TAFA2: variants seen among roughly 807,000 people sequenced by gnomAD.
TAFA2 encodes the protein TAFA chemokine like family member 2.
Under a neutral mutation model 18.8 loss-of-function variants are expected in TAFA2, and 7 were observed. That is an observed-to-expected ratio of 0.37 (90% confidence interval 0.21 to 0.70). The LOEUF is 0.70. TAFA2 is among the 30% of genes least tolerant of loss of function. The pLI is 0.53. For missense variants in TAFA2, 122 were observed against 158.1 expected (o/e 0.77, Z 1.23); for synonymous variants, 60 against 54.2 (o/e 1.11, Z -0.47).
chr12:62,211,025 C>G (rs943930512), intron 1 of TAFA2, among the ~76,000 whole-genome samples: 3 of 152,032 alleles, frequency 2.0e-5, no homozygotes, highest in African/African-American at 4.8e-5. Context: ...TTCTACCAAG[C>G]TGTAGTGACA....
chr12:62,021,051 C>T (rs559138337), intron 1 of TAFA2, among the ~76,000 whole-genome samples: 8 of 152,216 alleles, frequency 5.3e-5, no homozygotes, highest in African/African-American at 1.7e-4. Flanking sequence ...ACAGTATGGT[C>T]TGCAAATCCT....
chr12:61,738,291 A>ACC (rs1868340424), intron 4 of TAFA2, among the ~76,000 whole-genome samples: 1 of 6,388 alleles, frequency 1.6e-4, no homozygotes, highest in African/African-American at 1.2e-3. Context: ...GAAAATGAAA[A>ACC]CACACACACA....
chr12:61,877,499 G>C (rs1874905874), intron 1 of TAFA2, among the ~76,000 whole-genome samples: 1 of 152,112 alleles, frequency 6.6e-6, no homozygotes, highest in Admixed American at 6.5e-5. Context: ...GGTGGTGGTG[G>C]AAGCCTATTA....
rs144497469 is a variant in TAFA2 at position 61,752,906 on chromosome 12, A to G, written c.384+716T>C. On this transcript the variant is annotated intron_variant, in intron 4 of 4. Coordinates refer to ENST00000416284, the MANE Select transcript of TAFA2 (RefSeq NM_178539.5). ...GCTTTTCCTAAAAGCAAAACAAAAC[A>G]AAACCTTCCTTTGCTAATTCTATAA... Among the ~76,000 whole-genome samples the G allele has an allele frequency of 8.7e-3, 1,330 of 152,144 alleles. 21 individuals are homozygous for G. Among genetic ancestry groups the G allele is most frequent in the African/African-American group, 0.03 (1,263 of 41,540 alleles).
At chr12:61,875,896 A>G (rs182923778) in intron 1 of TAFA2, among the ~76,000 whole-genome samples, 1 of 151,808 alleles carries the variant, frequency 6.6e-6, no homozygotes, top group Admixed American at 6.5e-5. Flanking sequence ...CATGATCTGG[A>G]GATGACTACA....
chr12:62,227,995 GT>G (rs1388031090), intron 1 of TAFA2, among the ~76,000 whole-genome samples: 2 of 151,964 alleles, frequency 1.3e-5, no homozygotes, highest in Non-Finnish European at 2.9e-5. Context: ...GTGCCATGTT[GT>G]TTTGGTTACT....
intron 2 of TAFA2, among the ~76,000 whole-genome samples, chr12:61,836,902 G>A (rs900690796): frequency 6.6e-6 from 1 of 150,748 alleles, no homozygotes; most frequent in Admixed American, 6.6e-5. Flanking sequence ...TTATTGATTT[G>A]AAAAAGATTT....
intron 1 of TAFA2, among the ~76,000 whole-genome samples, chr12:62,037,612 C>T (rs979738137): frequency 6.6e-6 from 1 of 152,184 alleles, no homozygotes; most frequent in Non-Finnish European, 1.5e-5. Context: ...CCACTACAGA[C>T]TTATGGAATA....
chr12:61,710,227 T>C lies in TAFA2; in HGVS notation c.*179A>G, dbSNP rs1271718245. 1 of 590,952 alleles carries C rather than the reference T, an allele frequency of 1.7e-6. No homozygotes were observed. The highest frequency in any genetic ancestry group is 3.0e-6 in the Non-Finnish European group (1 of 329,072). 36.6% of individuals were successfully genotyped at this position (590,952 alleles called of 1,614,324 possible). On this transcript the variant is annotated 3_prime_UTR_variant, in exon 5 of 5. Transcript: ENST00000416284. The stretch of plus-strand genomic sequence containing the variant: ...GAAATCTTCATGACATGCAAGTTCA[T>C]GTCTGACTTTTAAAAAGTCTTGATT...
intron 2 of TAFA2, among the ~76,000 whole-genome samples, chr12:61,861,960 C>T (rs1245223886): frequency 6.6e-6 from 1 of 152,126 alleles, no homozygotes; most frequent in Non-Finnish European, 1.5e-5. Flanking sequence ...ATCAAACTAA[C>T]TTTTTTAGGC....
At chr12:61,804,944 TA>T (rs1871548394) in intron 2 of TAFA2, among the ~76,000 whole-genome samples, 1 of 151,938 alleles carries the variant, frequency 6.6e-6, no homozygotes, top group Non-Finnish European at 1.5e-5. Flanking sequence ...CTATAGTATT[TA>T]TACTTCTACA....
At chr12:61,816,594 C>A (rs1012544462) in intron 2 of TAFA2, among the ~76,000 whole-genome samples, 6 of 151,388 alleles carry the variant, frequency 4.0e-5, no homozygotes, top group African/African-American at 1.5e-4. Context: ...TGAGGCATCA[C>A]CATACTGCTT....
At chr12:61,799,151 GATA>G (rs1871302314) in intron 2 of TAFA2, among the ~76,000 whole-genome samples, 2 of 152,192 alleles carry the variant, frequency 1.3e-5, no homozygotes, top group Non-Finnish European at 2.9e-5. Context: ...TCATAGAACA[GATA>G]ATAATAACAT....
chr12:61,723,251 C>T (rs544848757), intron 4 of TAFA2, among the ~76,000 whole-genome samples: 12 of 152,064 alleles, frequency 7.9e-5, no homozygotes, highest in African/African-American at 2.4e-4. Context: ...CACTAAAATA[C>T]GAGGTATTGG....
At chr12:62,018,937 C>A (rs1407549115) in intron 1 of TAFA2, among the ~76,000 whole-genome samples, 1 of 151,886 alleles carries the variant, frequency 6.6e-6, no homozygotes, top group South Asian at 2.1e-4. Flanking sequence ...TGACAAAGGG[C>A]TAATATCCAG....
At chr12:61,895,042 CA>C (rs1315809520) in intron 1 of TAFA2, among the ~76,000 whole-genome samples, 3 of 152,082 alleles carry the variant, frequency 2.0e-5, no homozygotes, top group Non-Finnish European at 4.4e-5. Context: ...AGAACACAGA[CA>C]GAGCAAAATT....
At chr12:61,714,210 C>T (rs1050484162) in intron 4 of TAFA2, among the ~76,000 whole-genome samples, 5 of 152,096 alleles carry the variant, frequency 3.3e-5, no homozygotes, top group African/African-American at 1.2e-4. Flanking sequence ...ATGGTTATGC[C>T]TTGAGCTTCA....
intron 1 of TAFA2, among the ~76,000 whole-genome samples, chr12:62,217,114 T>A (rs891286638): frequency 2.6e-5 from 4 of 152,340 alleles, no homozygotes; most frequent in Non-Finnish European, 5.9e-5. Context: ...ATGTTTAACA[T>A]ATTACATATT....
intron 1 of TAFA2, among the ~76,000 whole-genome samples, chr12:62,230,112 A>AT (rs1298267103): frequency 6.7e-6 from 1 of 149,148 alleles, no homozygotes; most frequent in Non-Finnish European, 1.5e-5. Flanking sequence ...TTTGGGTCTA[A>AT]TTTTTTTTCT....
Sources: allele counts gnomAD v4.1 joint callset (sites outside exome capture counted in the v4.1 genomes callset), GRCh38; gene constraint gnomAD v4.1.1; transcripts MANE v1.5; gene names NCBI Gene and HGNC (gene_info 2026-07-23, HGNC 2026-07-21).